The following PCDH15 variants were observed in gnomAD, a reference collection of about 807,000 sequenced individuals.
The protein encoded by PCDH15 is protocadherin-15.
In PCDH15, 129 loss-of-function variants were observed where a neutral mutation model predicts 178.5. That is an observed-to-expected ratio of 0.72 (90% CI 0.63 to 0.84). PCDH15 has a LOEUF of 0.84. Among genes scored for constraint, PCDH15 ranks in the 40% least tolerant of loss-of-function variants. The probability of loss-of-function intolerance (pLI) is 0.00; values close to 1 mark genes in which losing one functional copy is unlikely to be tolerated. For missense variants in PCDH15, 2,230 were observed against 2,099.9 expected (o/e 1.06, Z -1.21); for synonymous variants, 800 against 732.0 (o/e 1.09, Z -1.50).
At position 54,426,780 on chromosome 10, in the gene PCDH15, C is replaced by T. The variant is rs113502823; in HGVS notation, c.158-47838G>A. The stretch of plus-strand genomic sequence containing the variant: ...CCCTGGAAGATAGCAACTTTACATT[C>T]ACTTTTCCTGTTTTAGGGCTATTAT... On this transcript the variant is annotated intron_variant, in intron 3 of 37. Coordinates refer to ENST00000644397, the MANE Select transcript of PCDH15 (RefSeq NM_001384140.1). 8.6e-3 allele frequency among the ~76,000 whole-genome samples: 1,305 copies of T among 152,192 alleles called. 22 individuals carry two copies. Among genetic ancestry groups the T allele is most frequent in the African/African-American group, 0.03 (1,235 of 41,530 alleles).
chr10:55,261,944 G>A (rs1439700090), intron 1 of PCDH15, among the ~76,000 whole-genome samples: 1 of 147,638 alleles, frequency 6.8e-6, no homozygotes, highest in Admixed American at 6.8e-5. Context: ...AACAAATATG[G>A]AAAGCCTCTA....
At chr10:53,958,238 T>C (rs978462677) in intron 23 of PCDH15, among the ~76,000 whole-genome samples, 6 of 152,186 alleles carry the variant, frequency 3.9e-5, no homozygotes, top group African/African-American at 1.4e-4. Flanking sequence ...ATCATCCAAC[T>C]TTCAATTTTT....
At chr10:55,548,316 G>T (rs1405883003) in intron 2 of PCDH15, among the ~76,000 whole-genome samples, 1 of 151,008 alleles carries the variant, frequency 6.6e-6, no homozygotes, top group Admixed American at 6.6e-5. Context: ...TTTGTTACAC[G>T]CCAATATATA....
At chr10:54,570,675 A>T (rs1253669322) in intron 2 of PCDH15, among the ~76,000 whole-genome samples, 1 of 151,792 alleles carries the variant, frequency 6.6e-6, no homozygotes, top group Non-Finnish European at 1.5e-5. Context: ...CTTTTTTGAG[A>T]TGGAGTCTCT....
At chr10:54,828,149 A>G (rs1953161213) in intron 3 of PCDH15, among the ~76,000 whole-genome samples, 1 of 151,924 alleles carries the variant, frequency 6.6e-6, no homozygotes, top group South Asian at 2.1e-4. Context: ...TTTGGATATA[A>G]TTTCAGTAAA....
intron 2 of PCDH15, among the ~76,000 whole-genome samples, chr10:55,448,277 G>A (rs745550909): frequency 2.6e-4 from 39 of 151,782 alleles, no homozygotes; most frequent in Non-Finnish European, 4.1e-4. Flanking sequence ...AAGACTAAGC[G>A]CAAAAACTTA....
intron 8 of PCDH15, among the ~76,000 whole-genome samples, chr10:54,244,750 A>G (rs1319329374): frequency 1.3e-5 from 2 of 151,874 alleles, no homozygotes; most frequent in East Asian, 3.9e-4. Flanking sequence ...CTGGTTATTC[A>G]CCTCCCCTTC....
intron 1 of PCDH15, among the ~76,000 whole-genome samples, chr10:55,264,203 C>T (rs1234562298): frequency 1.3e-5 from 2 of 152,128 alleles, no homozygotes; most frequent in East Asian, 1.9e-4. Context: ...CAATCCGAAG[C>T]TCGATTCCAA....
chr10:54,505,924 T>A (rs1432068205), intron 3 of PCDH15, among the ~76,000 whole-genome samples: 1 of 152,012 alleles, frequency 6.6e-6, no homozygotes, highest in Non-Finnish European at 1.5e-5. Flanking sequence ...AGATCTCTCT[T>A]CCTATAGAGT....
intron 2 of PCDH15, among the ~76,000 whole-genome samples, chr10:55,609,009 T>TAC (rs548938586): frequency 0.018 from 1,814 of 99,460 alleles, 19 homozygotes; most frequent in South Asian, 0.044. Context: ...ATATGTTATA[T>TAC]ATATATACAC....
At chr10:54,708,379 G>T (rs1267072455) in intron 1 of PCDH15, among the ~76,000 whole-genome samples, 1 of 152,152 alleles carries the variant, frequency 6.6e-6, no homozygotes, top group Admixed American at 6.6e-5. Context: ...ACCCAAGTTG[G>T]ACTGTGACAA....
In PCDH15 at chr10:53,836,326, G is replaced by C. The variant is rs998615341; in HGVS notation, c.3983+3994C>G. Among the ~76,000 whole-genome samples the C allele has an allele frequency of 3.9e-5, 6 of 152,120 alleles. No individual in the cohort carries two copies. In the South Asian group the frequency reaches 6.2e-4, roughly 16 times the overall value. ...GGCTTACACATGCAGGCTGTACAAG[G>C]AGAACAGAGGAACCCCTATTCCATG... On this transcript the variant is annotated intron_variant, in intron 29 of 37. Transcript: ENST00000644397.
chr10:54,974,618 C>G (rs1237130173), intron 2 of PCDH15, among the ~76,000 whole-genome samples: 1 of 151,830 alleles, frequency 6.6e-6, no homozygotes, highest in East Asian at 1.9e-4. Context: ...ATTCCCTGGC[C>G]TTCTCTTCTT....
At chr10:55,429,060 A>G (rs1266634387) in intron 2 of PCDH15, among the ~76,000 whole-genome samples, 1 of 152,056 alleles carries the variant, frequency 6.6e-6, no homozygotes, top group Non-Finnish European at 1.5e-5. Context: ...CACACATTCT[A>G]CAAACCCCAT....
chr10:54,173,022 A>G (rs1163486110), intron 13 of PCDH15, among the ~76,000 whole-genome samples: 1 of 152,198 alleles, frequency 6.6e-6, no homozygotes, highest in African/African-American at 2.4e-5. Context: ...GTTTTCAGTT[A>G]CACAAATTCA....
intron 2 of PCDH15, among the ~76,000 whole-genome samples, chr10:55,335,263 A>G (rs1006052595): frequency 1.3e-5 from 2 of 152,112 alleles, no homozygotes; most frequent in Admixed American, 1.3e-4. Flanking sequence ...AATGATGGAG[A>G]TATGGAGAGC....
At chr10:55,036,913 A>G (rs1268972815) in intron 2 of PCDH15, among the ~76,000 whole-genome samples, 2 of 152,200 alleles carry the variant, frequency 1.3e-5, no homozygotes, top group Non-Finnish European at 2.9e-5. Flanking sequence ...CATACCTAGG[A>G]ACTAGTTACA....
At chr10:54,500,121 AAAAAC>A (rs1313456805) in intron 3 of PCDH15, among the ~76,000 whole-genome samples, 1 of 151,404 alleles carries the variant, frequency 6.6e-6, no homozygotes, top group Non-Finnish European at 1.5e-5. Context: ...GCCATTAAAG[AAAAAC>A]AAAACAACAT....
At chr10:55,283,755 T>C (rs1340909094) in intron 1 of PCDH15, among the ~76,000 whole-genome samples, 1 of 151,780 alleles carries the variant, frequency 6.6e-6, no homozygotes, top group African/African-American at 2.4e-5. Context: ...AGTTATACAA[T>C]GTTAACTAGG....
Sources: allele counts gnomAD v4.1 joint callset (sites outside exome capture counted in the v4.1 genomes callset), GRCh38; gene constraint gnomAD v4.1.1; transcripts MANE v1.5; gene names NCBI Gene and HGNC (gene_info 2026-07-23, HGNC 2026-07-21).